The following AZU1 variants were observed in gnomAD, a reference collection of about 807,000 sequenced individuals.
AZU1 encodes the protein azurocidin.
AZU1 carries 21 observed loss-of-function variants against 17.8 expected under a neutral mutation model. The observed-to-expected ratio is 1.18, with a 90% CI of 0.84 to 1.70. AZU1 has a LOEUF of 1.70. Ranked by LOEUF, AZU1 falls within the 40% of genes most tolerant of loss-of-function variation. The pLI is 0.00. For missense variants in AZU1, 379 were observed against 362.9 expected (o/e 1.04, Z -0.36); for synonymous variants, 178 against 155.2 (o/e 1.15, Z -1.09).
intron 4 of AZU1, chr19:831,157 T>C: frequency 1.9e-6 from 1 of 525,898 alleles, no homozygotes; most frequent in South Asian, 2.9e-5. Context: ...GGCGGCTCAC[T>C]GCAACCTCCG....
intron 2 of AZU1, among the ~76,000 whole-genome samples, chr19:829,161 C>T (rs1441798472): frequency 1.1e-4 from 2 of 17,660 alleles, no homozygotes; most frequent in African/African-American, 5.4e-4. Context: ...TGGGGGAGGC[C>T]CAGATAAGGG....
At position 830,782 on chromosome 19, in the gene AZU1, C is replaced by G; in HGVS notation, c.435C>G (p.Ala145=). The G allele has an allele frequency of 6.2e-7, 1 of 1,605,374 alleles. No homozygotes were observed. The highest frequency in any genetic ancestry group is 8.5e-7 in the Non-Finnish European group (1 of 1,179,800). Residue 145 remains alanine (A), a synonymous_variant, in exon 4 of 5, where the codon GCC becomes GCG. Transcript: ENST00000233997. ...CTCTGCAGAACGCCACGGTGGAAGC[C>G]GGCACCAGATGCCAGGTGGCCGGCT... ...PLPLQNATVE[A]GTRCQVAGWG... is the part of the protein sequence containing the mutation.
In AZU1 at chr19:830,889, GC is replaced by G; in HGVS notation, c.546del (p.Asn183ThrfsTer?). 1 of 1,605,722 alleles carries G rather than the reference GC, an allele frequency of 6.2e-7. No homozygotes were observed. ...ACTGTGACCCCCGAGGACCAGTGTC[GC>G]CCCAACAACGTGTGCACCGGTGTGC... is the stretch of plus-strand genomic sequence containing the variant. ...NVTVTPEDQC[R>X]PNNVCTGVLT... On this transcript the variant is annotated frameshift_variant, in exon 4 of 5. Coordinates refer to ENST00000233997, the MANE Select transcript of AZU1 (RefSeq NM_001700.5). LOFTEE classifies it high-confidence loss of function.
At chr19:828,500 A>C in intron 2 of AZU1, 114 bp downstream of exon 2, 7 of 1,082,820 alleles carry the variant, frequency 6.5e-6, no homozygotes, top group Non-Finnish European at 7.4e-6. Flanking sequence ...GGGATTGCAA[A>C]AGGAGGGGCT....
chr19:828,102 G>T, intron 1 of AZU1, 128 bp from the exon 2 acceptor site: 1 of 1,330,952 alleles, frequency 7.5e-7, no homozygotes, highest in South Asian at 1.3e-5. Context: ...TAGGGAGTGG[G>T]ACGATGGGGG....
intron 1 of AZU1, 122 bp downstream of exon 1, chr19:828,026 C>A: frequency 7.0e-7 from 1 of 1,423,072 alleles, no homozygotes; most frequent in Non-Finnish European, 9.5e-7. Context: ...GCCAGCCCGG[C>A]CTGGACGATC....
chr19:828,038 C>T lies in AZU1; in HGVS notation c.58+134C>T, dbSNP rs529075044. On this transcript the variant is annotated intron_variant, in intron 1 of 4. Coordinates refer to ENST00000233997, the MANE Select transcript of AZU1 (RefSeq NM_001700.5). ...ACAGCCAGCCCGGCCTGGACGATCC[C>T]GCGAAAGGCGTGAGGGCGGACGGTG... 1.9e-5 allele frequency: 27 copies of T among 1,398,496 alleles called. No individual in the cohort carries two copies. In the East Asian group the frequency reaches 4.3e-4, roughly 22 times the overall value. 86.6% of individuals were successfully genotyped at this position (1,398,496 alleles called of 1,614,324 possible).
Position 827,862 on chromosome 19 carries a change from G to C in AZU1, c.16G>C (p.Val6Leu), listed in dbSNP as rs1286178328. Residue 6 changes from valine (V) to leucine (L), a missense_variant, in exon 1 of 5, where the codon GTC becomes CTC. Val to Leu is a conservative substitution (Grantham distance 32). Coordinates refer to ENST00000233997, the MANE Select transcript of AZU1 (RefSeq NM_001700.5). ...CTGCCCCGCCATGACCCGGCTGACA[G>C]TCCTGGCCCTGCTGGCTGGTCTGCT... Reference protein sequence around the residue: MTRLTVLALLAGLLAS... With the variant: MTRLTLLALLAGLLAS... 6.5e-7 allele frequency: 1 copy of C among 1,536,958 alleles called. No homozygotes were observed. The highest frequency in any genetic ancestry group is 8.7e-7 in the Non-Finnish European group (1 of 1,147,268).
At chr19:831,568 C>A in intron 4 of AZU1, 148 bp from the exon 5 acceptor site, 1 of 934,344 alleles carries the variant, frequency 1.1e-6, no homozygotes, top group Non-Finnish European at 1.5e-6. Flanking sequence ...TAGCAGTTAA[C>A]CAGGGCAGAG....
Position 830,738 on chromosome 19 carries a change from G to A in AZU1, c.391G>A (p.Val131Met), listed in dbSNP as rs376150747. ...LDREANLTSS[V>M]TILPLPLQNA... ...CCGTGAGGCCAACCTCACCAGCAGCGTGACGATACTGCCACTGCCTCTGCA... is the reference window on the plus strand; with the variant it reads ...CCGTGAGGCCAACCTCACCAGCAGCATGACGATACTGCCACTGCCTCTGCA... The change falls in exon 4 of 5, where the codon GTG becomes ATG. Residue 131 changes from valine (V) to methionine (M), a missense_variant. Coordinates refer to ENST00000233997, the MANE Select transcript of AZU1 (RefSeq NM_001700.5). 3.1e-6 allele frequency: 5 copies of A among 1,590,470 alleles called. No homozygotes were observed. The highest frequency in any genetic ancestry group is 4.3e-6 in the Non-Finnish European group (5 of 1,172,742).
Position 831,927 on chromosome 19 carries a change from G to C in AZU1, c.*50G>C. 6.4e-7 allele frequency: 1 copy of C among 1,571,440 alleles called. No homozygotes were observed. Among genetic ancestry groups the C allele is most frequent in the Non-Finnish European group, 8.7e-7 (1 of 1,154,816 alleles). ...CCCAGCCCCGCCCTCCACACCTCCG[G>C]CGCTCCGCACCCACCTCCCACGGCC... On this transcript the variant is annotated 3_prime_UTR_variant, in exon 5 of 5. Transcript: ENST00000233997.
intron 3 of AZU1, 89 bp from the exon 4 acceptor site, chr19:830,619 T>G: frequency 8.8e-7 from 1 of 1,137,578 alleles, no homozygotes; most frequent in Non-Finnish European, 1.2e-6. Flanking sequence ...CAGACTACAG[T>G]TAATGTCGCT....
intron 4 of AZU1, 92 bp from the exon 5 acceptor site, chr19:831,624 T>G: frequency 7.4e-7 from 1 of 1,359,214 alleles, no homozygotes; most frequent in Non-Finnish European, 9.8e-7. Flanking sequence ...TCAGGACTTG[T>G]AGGTTCCAGG....
chr19:829,446 A>G, intron 2 of AZU1, 116 bp from the exon 3 acceptor site: 1 of 1,372,582 alleles, frequency 7.3e-7, no homozygotes, highest in Non-Finnish European at 9.9e-7. Context: ...GGGAGTTTTC[A>G]GGGTGAAGGA....
At chr19:831,429 T>G in intron 4 of AZU1, 1 of 436,940 alleles carries the variant, frequency 2.3e-6, no homozygotes. Context: ...GTGCTGGGGG[T>G]TGGGGACCCA....
intron 3 of AZU1, among the ~76,000 whole-genome samples, chr19:830,504 T>C (rs2145101377): frequency 6.6e-6 from 1 of 152,324 alleles, no homozygotes; most frequent in African/African-American, 2.4e-5. Context: ...GGTCTCGAAC[T>C]CCTGGCCTCA....
At chr19:828,200 G>T in intron 1 of AZU1, 30 bp from the exon 2 acceptor site, 1 of 1,566,384 alleles carries the variant, frequency 6.4e-7, no homozygotes, top group East Asian at 2.3e-5. Flanking sequence ...GGATTCTTGG[G>T]GATCTCAGAG....
At chr19:830,216 C>T (rs1044814399) in intron 3 of AZU1, among the ~76,000 whole-genome samples, 8 of 151,978 alleles carry the variant, frequency 5.3e-5, no homozygotes, top group Non-Finnish European at 1.0e-4. Flanking sequence ...GCCGAGATCG[C>T]GCCCCTGCAC....
Position 828,239 on chromosome 19 carries a change from C to T in AZU1, c.68C>T (p.Pro23Leu). ...TCTCCCCCCGACCCAGGCTCCAGCC[C>T]CCTTTTGGACATCGTTGGCGGCCGG... ...LLASSRAGSS[P>L]LLDIVGGRKA... The change falls in exon 2 of 5, where the codon CCC becomes CTC. Residue 23 changes from proline (P) to leucine (L), a missense_variant. Pro to Leu is a moderately conservative substitution (Grantham distance 98). Transcript: ENST00000233997. The T allele has an allele frequency of 1.9e-6, 3 of 1,605,650 alleles. No individual in the cohort carries two copies. Among genetic ancestry groups the T allele is most frequent in the Non-Finnish European group, 1.7e-6 (2 of 1,177,636 alleles).
Sources: gnomAD v4.1 joint callset for allele counts (sites outside exome capture counted in the v4.1 genomes callset) on GRCh38, gnomAD v4.1.1 for gene constraint, MANE v1.5 for transcripts, NCBI Gene and HGNC (gene_info 2026-07-23, HGNC 2026-07-21) for gene names.